Variants in CCDC171 observed in about 807,000 individuals in gnomAD.
CCDC171 encodes coiled-coil domain-containing protein 171.
CCDC171 carries 177 observed loss-of-function variants against 168.2 expected under a neutral mutation model. The observed-to-expected ratio is 1.05, with a 90% CI of 0.93 to 1.19. The LOEUF is 1.19. Ranked by LOEUF, CCDC171 falls within the 50% of genes most tolerant of loss-of-function variation. The probability of loss-of-function intolerance (pLI) is 0.00; values close to 1 mark genes in which losing one functional copy is unlikely to be tolerated. For missense variants in CCDC171, 1,991 were observed against 1,539.0 expected (o/e 1.29, Z -4.91); for synonymous variants, 687 against 540.8 (o/e 1.27, Z -3.75).
In CCDC171 at chr9:15,618,942, G is replaced by A. The variant is rs551834248; in HGVS notation, c.676-4325G>A. Among the ~76,000 whole-genome samples the A allele has an allele frequency of 5.3e-5, 8 of 152,160 alleles. No individual in the cohort carries two copies. In the South Asian group the frequency reaches 8.3e-4, roughly 16 times the overall value. ...TCGCTGGGAGCTGCAGACTGCCGCT[G>A]TTTCTATTTGGCCATCGTGGCCCCT... On this transcript the variant is annotated intron_variant, in intron 6 of 25. Transcript: ENST00000380701.
chr9:15,586,713 G>A (rs900515120), intron 4 of CCDC171, among the ~76,000 whole-genome samples: 1 of 152,136 alleles, frequency 6.6e-6, no homozygotes, highest in Non-Finnish European at 1.5e-5. Context: ...TGGAGATGGC[G>A]AAATAGAGTC....
intron 3 of CCDC171, among the ~76,000 whole-genome samples, chr9:16,011,172 A>G (rs115622458): frequency 0.011 from 1,644 of 152,168 alleles, 28 homozygotes; most frequent in African/African-American, 0.037. Context: ...GTTGGCTGCT[A>G]TACTGGACTA....
At chr9:15,785,630 A>G (rs920133145) in intron 21 of CCDC171, among the ~76,000 whole-genome samples, 1 of 152,116 alleles carries the variant, frequency 6.6e-6, no homozygotes, top group Non-Finnish European at 1.5e-5. Flanking sequence ...TAAAACACTT[A>G]GGTACTCCTC....
chr9:15,637,420 T>G (rs1366640501), intron 7 of CCDC171, among the ~76,000 whole-genome samples: 1 of 152,054 alleles, frequency 6.6e-6, no homozygotes, highest in Non-Finnish European at 1.5e-5. Flanking sequence ...GGTATAATAT[T>G]ATTATAGACT....
chr9:15,981,077 A>G lies in CCDC171; in HGVS notation n.369-39512A>G, dbSNP rs190411142. On this transcript the variant is annotated intron_variant and non_coding_transcript_variant, in intron 3 of 9. Transcript: ENST00000486641. ...ATATTGTGAGACTTACTGTCACGAG[A>G]AAAGCCAGGAAAGACGTGCCCCCAT... Among the ~76,000 whole-genome samples, 3 of 152,242 alleles carry G rather than the reference A, an allele frequency of 2.0e-5. No individual in the cohort carries two copies. In the East Asian group the frequency reaches 5.8e-4, roughly 29 times the overall value.
intron 18 of CCDC171, among the ~76,000 whole-genome samples, chr9:15,766,100 A>G (rs193167893): frequency 6.5e-4 from 99 of 152,210 alleles, no homozygotes; most frequent in African/African-American, 2.4e-3. Flanking sequence ...TGGGCTTCCT[A>G]AGTTCTGGAT....
At chr9:15,945,348 A>C (rs1040777169) in intron 25 of CCDC171, among the ~76,000 whole-genome samples, 2 of 146,826 alleles carry the variant, frequency 1.4e-5, no homozygotes, top group Non-Finnish European at 3.0e-5. Context: ...ATAGGTGTGC[A>C]TGTGTCTTTA....
intron 11 of CCDC171, among the ~76,000 whole-genome samples, chr9:15,707,591 T>A (rs1156498383): frequency 2.6e-5 from 4 of 152,194 alleles, no homozygotes; most frequent in Non-Finnish European, 4.4e-5. Context: ...CTTTCTCCCT[T>A]CCTTACTTTA....
At position 15,660,200 on chromosome 9, in the gene CCDC171, C is replaced by A. The variant is rs57941512; in HGVS notation, c.915+2981C>A. ...AAATTCTCAGATCCCTATATTTGAG[C>A]ATGTCTGTTTGTTAAAGCAAACTTA... On this transcript the variant is annotated intron_variant, in intron 8 of 25. Transcript: ENST00000380701. Among the ~76,000 whole-genome samples, 790 of 152,296 alleles carry A rather than the reference C, an allele frequency of 5.2e-3. 6 individuals carry two copies. Among genetic ancestry groups the A allele is most frequent in the African/African-American group, 0.019 (771 of 41,570 alleles).
intron 3 of CCDC171, among the ~76,000 whole-genome samples, chr9:15,988,328 C>T (rs1832064404): frequency 6.6e-6 from 1 of 152,146 alleles, no homozygotes; most frequent in African/African-American, 2.4e-5. Context: ...GGAAGTGAGT[C>T]CTCAAGGGAT....
At chr9:16,033,210 G>A (rs778890201) in intron 6 of CCDC171, among the ~76,000 whole-genome samples, 39 of 152,234 alleles carry the variant, frequency 2.6e-4, no homozygotes, top group Non-Finnish European at 4.8e-4. Flanking sequence ...GTCTGATATT[G>A]CTGCTTTGTA....
At chr9:16,006,441 A>G (rs1361452765) in intron 3 of CCDC171, among the ~76,000 whole-genome samples, 1 of 151,926 alleles carries the variant, frequency 6.6e-6, no homozygotes, top group Non-Finnish European at 1.5e-5. Context: ...TTTTCTTTTT[A>G]TTATTATACT....
chr9:16,087,095 CTGTT>C, the CCDC171 span, among the ~76,000 whole-genome samples: 20 of 152,292 alleles, frequency 1.3e-4, no homozygotes, highest in African/African-American at 3.9e-4. Flanking sequence ...GTCTGAGAGA[CTGTT>C]TGTTACAATT....
chr9:15,639,961 G>A (rs1248472449), intron 7 of CCDC171, among the ~76,000 whole-genome samples: 1 of 152,134 alleles, frequency 6.6e-6, no homozygotes, highest in African/African-American at 2.4e-5. Flanking sequence ...TAATGGAAAT[G>A]CTTATAGATG....
intron 24 of CCDC171, among the ~76,000 whole-genome samples, chr9:15,913,866 C>T (rs1186537865): frequency 6.6e-6 from 1 of 152,132 alleles, no homozygotes; most frequent in Non-Finnish European, 1.5e-5. Flanking sequence ...CTGTTGCTTT[C>T]TGTTTGTTAG....
At chr9:15,743,138 C>CTTTTTTTTTTTTTTTTTTTTTTTTTTT (rs66642691) in intron 16 of CCDC171, among the ~76,000 whole-genome samples, 1 of 73,270 alleles carries the variant, frequency 1.4e-5, no homozygotes, top group Non-Finnish European at 2.5e-5. Flanking sequence ...CTGTTACCTT[C>CTTTTTTTTTTTTTTTTTTTTTTTTTTT]TTTTTTTTTT....
At chr9:15,752,187 A>C (rs1336537894) in intron 18 of CCDC171, among the ~76,000 whole-genome samples, 1 of 152,250 alleles carries the variant, frequency 6.6e-6, no homozygotes, top group Non-Finnish European at 1.5e-5. Flanking sequence ...AGAAATGCGA[A>C]TCAAAACCAC....
At chr9:15,850,969 T>C (rs1366456628) in intron 23 of CCDC171, among the ~76,000 whole-genome samples, 1 of 152,018 alleles carries the variant, frequency 6.6e-6, no homozygotes, top group African/African-American at 2.4e-5. Flanking sequence ...CACGTGTGTT[T>C]TCAAGGTTTG....
intron 16 of CCDC171, 53 bp from the exon 17 acceptor site, chr9:15,744,220 A>G: frequency 7.1e-7 from 1 of 1,412,066 alleles, no homozygotes. Context: ...AGGGAAATTA[A>G]TATAATGCCT....
Sources: allele counts gnomAD v4.1 joint callset (sites outside exome capture counted in the v4.1 genomes callset), GRCh38; gene constraint gnomAD v4.1.1; transcripts MANE v1.5; gene names NCBI Gene and HGNC (gene_info 2026-07-23, HGNC 2026-07-21).